CTNNAL1: variants seen among roughly 807,000 people sequenced by gnomAD.
CTNNAL1 encodes catenin alpha like 1.
In CTNNAL1, 69 loss-of-function variants were observed where a neutral mutation model predicts 93.6. The ratio of observed to expected loss-of-function variants is 0.74; its 90% CI spans 0.61 to 0.90. CTNNAL1 has a LOEUF of 0.90. Among genes scored for constraint, CTNNAL1 ranks in the 40% least tolerant of loss-of-function variants. CTNNAL1 has a pLI of 0.00. For missense variants in CTNNAL1, 836 were observed against 862.0 expected (o/e 0.97, Z 0.38); for synonymous variants, 286 against 305.4 (o/e 0.94, Z 0.66).
intron 5 of CTNNAL1, among the ~76,000 whole-genome samples, 197 bp downstream of exon 5, chr9:108,984,150 T>C (rs1831527693): frequency 6.6e-6 from 1 of 152,248 alleles, no homozygotes; most frequent in Non-Finnish European, 1.5e-5. Flanking sequence ...CAAAGCTGAC[T>C]CATAAATTAG....
rs569614439 is a variant in CTNNAL1, at chr9:108,974,315, T to C, written c.1189-1482A>G. ...GTCAGGATTTTAACAATACTTTGGT[T>C]AAAACTGAATAGTCTGGAATGAAAT... is the stretch of plus-strand genomic sequence containing the variant. On this transcript the variant is annotated intron_variant, in intron 8 of 18. Coordinates refer to ENST00000325551, the MANE Select transcript of CTNNAL1 (RefSeq NM_003798.4). Among the ~76,000 whole-genome samples the C allele has an allele frequency of 2.6e-5, 4 of 152,364 alleles. No homozygotes were observed. In the East Asian group the frequency reaches 7.7e-4, roughly 29 times the overall value.
intron 9 of CTNNAL1, among the ~76,000 whole-genome samples, chr9:108,972,457 T>A (rs1831141037): frequency 1.3e-5 from 2 of 152,196 alleles, no homozygotes; most frequent in Non-Finnish European, 2.9e-5. Flanking sequence ...AAAAGAAGAT[T>A]AAGAAGTTCA....
chr9:108,972,865 A>AAT, intron 8 of CTNNAL1, 32 bp from the exon 9 acceptor site: 13 of 219,264 alleles, frequency 5.9e-5, no homozygotes, highest in South Asian at 9.6e-5. Context: ...GGGGGGTGGG[A>AAT]GGGTGGAGAA....
chr9:109,011,371 GAA>G (rs72043132), intron 1 of CTNNAL1, among the ~76,000 whole-genome samples: 18 of 136,970 alleles, frequency 1.3e-4, no homozygotes, highest in African/African-American at 3.1e-4. Context: ...ACTGGAAAAA[GAA>G]AAAAAAAAAA....
chr9:108,953,781 A>G (rs886491194), intron 12 of CTNNAL1, among the ~76,000 whole-genome samples: 1 of 151,934 alleles, frequency 6.6e-6, no homozygotes. Context: ...AGGACAGAAA[A>G]TAAAAATAAA....
At chr9:108,950,568 T>G in intron 14 of CTNNAL1, 1 of 1,550,374 alleles carries the variant, frequency 6.5e-7, no homozygotes, top group South Asian at 1.2e-5. Flanking sequence ...CCTCTAAGCT[T>G]GGGACTGCAT....
chr9:108,950,666 T>C, intron 14 of CTNNAL1: 1 of 1,513,862 alleles, frequency 6.6e-7, no homozygotes. Context: ...ACCTATCCCA[T>C]CCCATAAAAG....
intron 7 of CTNNAL1, 96 bp from the exon 8 acceptor site, chr9:108,977,144 T>C (rs1449914234): frequency 1.9e-6 from 1 of 533,094 alleles, no homozygotes; most frequent in Non-Finnish European, 3.2e-6. Context: ...TAAATTTTAA[T>C]ACTATTCTGT....
At chr9:108,984,873 C>T (rs1026297946) in intron 4 of CTNNAL1, among the ~76,000 whole-genome samples, 4 of 152,318 alleles carry the variant, frequency 2.6e-5, no homozygotes, top group African/African-American at 7.2e-5. Flanking sequence ...TAAGGAGCCT[C>T]GTCTAATTAA....
Position 108,970,401 on chromosome 9 carries a change from C to T in CTNNAL1, c.1440+1G>A. 6.2e-7 allele frequency: 1 copy of T among 1,609,494 alleles called. No homozygotes were observed. Among genetic ancestry groups the T allele is most frequent in the South Asian group, 1.1e-5 (1 of 90,200 alleles). On this transcript the variant is annotated splice_donor_variant, in intron 10 of 18. Coordinates refer to ENST00000325551, the MANE Select transcript of CTNNAL1 (RefSeq NM_003798.4). LOFTEE classifies it high-confidence loss of function. ...GAAGGAGCAATCTGCTATTATCATA[C>T]CTGTTGGCCAGTCACCTGAAATGTC... is the stretch of plus-strand genomic sequence containing the variant.
chr9:108,973,670 C>A (rs1232590462), intron 8 of CTNNAL1, among the ~76,000 whole-genome samples: 2 of 135,644 alleles, frequency 1.5e-5, no homozygotes, highest in African/African-American at 5.5e-5. Context: ...ATCTTTTCTT[C>A]TTATCTTGCC....
chr9:108,976,287 T>C (rs1831263618), intron 8 of CTNNAL1, among the ~76,000 whole-genome samples: 1 of 152,206 alleles, frequency 6.6e-6, no homozygotes, highest in Non-Finnish European at 1.5e-5. Flanking sequence ...CTGGCTTCTT[T>C]TGCTTAGTAT....
chr9:108,990,254 G>A lies in CTNNAL1; in HGVS notation c.639+472C>T, dbSNP rs1324411492. Among the ~76,000 whole-genome samples, 3 of 151,782 alleles carry A rather than the reference G, an allele frequency of 2.0e-5. 1 individual carries two copies. The Admixed American group carries it at 2.0e-4, about 10-fold the overall frequency. ...CATAGGGATGTTTTGAAAATTAAAT[G>A]AGATCATGTATATTAAGTACCTAAC... On this transcript the variant is annotated intron_variant, in intron 4 of 18. Transcript: ENST00000325551.
Position 108,989,160 on chromosome 9 carries a change from T to C in CTNNAL1, c.639+1566A>G, listed in dbSNP as rs568902547. 7.2e-4 allele frequency among the ~76,000 whole-genome samples: 109 copies of C among 152,276 alleles called. 3 individuals are homozygous for C. In the South Asian group the frequency reaches 0.021, roughly 29 times the overall value. On this transcript the variant is annotated intron_variant, in intron 4 of 18. Coordinates refer to ENST00000325551, the MANE Select transcript of CTNNAL1 (RefSeq NM_003798.4). ...CCAAATTTCTAACTACAAATCAAAATGATGGTGAAAGTTTTTCAGTTATGT... is the reference window on the plus strand; with the variant it reads ...CCAAATTTCTAACTACAAATCAAAACGATGGTGAAAGTTTTTCAGTTATGT...
In CTNNAL1 at chr9:108,970,404, G is replaced by A. The variant is rs1315474235; in HGVS notation, c.1438C>T (p.Gln480Ter). The A allele has an allele frequency of 1.2e-6, 2 of 1,610,632 alleles. No homozygotes were observed. The highest frequency in any genetic ancestry group is 2.2e-5 in the East Asian group (1 of 44,574). ...AEETFQVTGQ[Q>*]IISAAETLTL... is the part of the protein sequence containing the mutation. ...GGAGCAATCTGCTATTATCATACCT[G>A]TTGGCCAGTCACCTGAAATGTCTCC... is the stretch of plus-strand genomic sequence containing the variant. The change falls in exon 10 of 19, where the codon CAG becomes TAG. Residue 480 changes from glutamine (Q) to a stop codon, truncating the protein, a stop_gained and splice_region_variant. Coordinates refer to ENST00000325551, the MANE Select transcript of CTNNAL1 (RefSeq NM_003798.4). LOFTEE classifies it high-confidence loss of function.
intron 2 of CTNNAL1, among the ~76,000 whole-genome samples, chr9:108,997,738 A>C (rs893298642): frequency 1.3e-4 from 20 of 152,116 alleles, no homozygotes; most frequent in Non-Finnish European, 2.8e-4. Flanking sequence ...CTCTTCTATC[A>C]CATCCAAACC....
chr9:108,943,427 G>A (rs1830305326), intron 17 of CTNNAL1, among the ~76,000 whole-genome samples: 1 of 152,182 alleles, frequency 6.6e-6, no homozygotes, highest in Non-Finnish European at 1.5e-5. Flanking sequence ...AGACTCGGAG[G>A]CACCTGTGTC....
At chr9:108,986,459 G>T (rs1831611378) in intron 4 of CTNNAL1, among the ~76,000 whole-genome samples, 1 of 151,602 alleles carries the variant, frequency 6.6e-6, no homozygotes, top group South Asian at 2.1e-4. Context: ...CCAAGTCTTT[G>T]CTATTGTGAA....
At chr9:108,996,421 T>C (rs1274405789) in intron 2 of CTNNAL1, among the ~76,000 whole-genome samples, 1 of 152,212 alleles carries the variant, frequency 6.6e-6, no homozygotes, top group East Asian at 1.9e-4. Flanking sequence ...AAAAGGCTTC[T>C]ATATTTTACA....
Sources: gnomAD v4.1 joint callset for allele counts (sites outside exome capture counted in the v4.1 genomes callset) on GRCh38, gnomAD v4.1.1 for gene constraint, MANE v1.5 for transcripts, NCBI Gene and HGNC (gene_info 2026-07-23, HGNC 2026-07-21) for gene names.